Variants in RNF38 observed in about 807,000 individuals in gnomAD.
The protein encoded by RNF38 is E3 ubiquitin-protein ligase RNF38.
Under a neutral mutation model 67.2 loss-of-function variants are expected in RNF38, and 15 were observed. The ratio of observed to expected loss-of-function variants is 0.22; its 90% CI spans 0.15 to 0.34. RNF38 has a LOEUF of 0.34. Ranked by LOEUF, RNF38 falls within the 10% of genes least tolerant of loss-of-function variation. The pLI is 1.00. For missense variants in RNF38, 524 were observed against 639.9 expected (o/e 0.82, Z 1.95); for synonymous variants, 220 against 218.8 (o/e 1.01, Z -0.05).
intron 1 of RNF38, among the ~76,000 whole-genome samples, chr9:36,435,233 T>C (rs1839035786): frequency 1.3e-5 from 2 of 152,176 alleles, no homozygotes; most frequent in Admixed American, 1.3e-4. Context: ...TATTTTTAAA[T>C]TTTTGAACCA....
intron 3 of RNF38, among the ~76,000 whole-genome samples, chr9:36,370,313 C>T (rs539064848): frequency 3.9e-4 from 60 of 152,140 alleles, no homozygotes; most frequent in African/African-American, 1.4e-3. Context: ...CTGTAGATAC[C>T]TTGTCAGTGT....
chr9:36,354,580 T>A (rs893927863), intron 6 of RNF38, among the ~76,000 whole-genome samples: 1 of 152,250 alleles, frequency 6.6e-6, no homozygotes, highest in African/African-American at 2.4e-5. Context: ...AAGGCTCATC[T>A]GTTTCGCAGA....
intron 2 of RNF38, among the ~76,000 whole-genome samples, chr9:36,414,891 T>C (rs969730466): frequency 5.9e-5 from 9 of 152,208 alleles, no homozygotes; most frequent in Non-Finnish European, 8.8e-5. Context: ...CTCCAATCCC[T>C]TCTAGCTTGC....
chr9:36,370,474 C>A (rs1172446325), intron 3 of RNF38, among the ~76,000 whole-genome samples: 3 of 152,072 alleles, frequency 2.0e-5, no homozygotes, highest in Admixed American at 6.6e-5. Flanking sequence ...CAAATAGAAA[C>A]TGGGTAAACA....
At chr9:36,487,642 G>A, upstream of RNF38, 5 of 937,324 alleles carry the variant, frequency 5.3e-6, no homozygotes, top group African/African-American at 1.8e-5. Flanking sequence ...GGCAGCAGCG[G>A]TGGCGGCGAC....
At chr9:36,383,763 A>T (rs1014109748) in intron 2 of RNF38, among the ~76,000 whole-genome samples, 4 of 152,126 alleles carry the variant, frequency 2.6e-5, no homozygotes, top group Admixed American at 6.5e-5. Flanking sequence ...AAGTTACCAT[A>T]AACATGCAGA....
chr9:36,439,195 C>T (rs1839138476), intron 1 of RNF38, among the ~76,000 whole-genome samples: 1 of 152,152 alleles, frequency 6.6e-6, no homozygotes, highest in African/African-American at 2.4e-5. Flanking sequence ...TTTTAAAATA[C>T]AAAAATTATA....
intron 2 of RNF38, among the ~76,000 whole-genome samples, chr9:36,421,634 G>A (rs1384569654): frequency 6.6e-6 from 1 of 152,064 alleles, no homozygotes; most frequent in Non-Finnish European, 1.5e-5. Context: ...TTGCACTCCA[G>A]CCTGGGCAGT....
chr9:36,407,664 CTCTTTGAAGCCACACTCTTGCTTGT>C, intron 2 of RNF38, among the ~76,000 whole-genome samples: 1 of 152,180 alleles, frequency 6.6e-6, no homozygotes, highest in Non-Finnish European at 1.5e-5. Flanking sequence ...GTAACCTATA[CTCTTTGAAGCCACACTCTTGCTTGT>C]TCTGTTCCGG....
In RNF38 at chr9:36,344,931, C is replaced by A; in HGVS notation, c.1286G>T (p.Arg429Leu). Residue 429 changes from arginine to leucine, a missense_variant, in exon 10 of 12, where the codon CGA becomes CTA. Around this residue, in one of 2 missense-constraint regions of RNF38, gnomAD observed 63 missense variants for 122.5 expected, o/e 0.51. Coordinates refer to ENST00000259605, the MANE Select transcript of RNF38 (RefSeq NM_022781.5). ...NYEALLNLAE[R>L]LGEAKPRGLT... ...TCCACGAGGCTTTGCCTCTCCCAGTCGCTCTGCCAGGTTTAACAGGGCCTG... is the reference window on the plus strand; with the variant it reads ...TCCACGAGGCTTTGCCTCTCCCAGTAGCTCTGCCAGGTTTAACAGGGCCTG... The A allele has an allele frequency of 6.2e-7, 1 of 1,613,524 alleles. No homozygotes were observed. Among genetic ancestry groups the A allele is most frequent in the South Asian group, 1.1e-5 (1 of 90,962 alleles).
chr9:36,370,276 A>T (rs910342920), intron 3 of RNF38, among the ~76,000 whole-genome samples: 8 of 152,144 alleles, frequency 5.3e-5, no homozygotes, highest in African/African-American at 1.9e-4. Context: ...CTCCCTTTTT[A>T]AATATTATAA....
At position 36,353,286 on chromosome 9, in the gene RNF38, G is replaced by A. The variant is rs757004885; in HGVS notation, c.955C>T (p.Leu319Phe). 6.2e-7 allele frequency: 1 copy of A among 1,613,070 alleles called. No individual in the cohort carries two copies. Among genetic ancestry groups the A allele is most frequent in the Non-Finnish European group, 8.5e-7 (1 of 1,179,592 alleles). ...GGGTAAGTAAAACCTCCTACTGGAA[G>A]ATGTTCTCCTAAGAGTTCCACTTCA... Reference protein sequence around the residue: ...ENEVELLGEHLPVGGFTYPPS... With the variant: ...ENEVELLGEHFPVGGFTYPPS... Residue 319 changes from leucine to phenylalanine, a missense_variant, in exon 7 of 12, where the codon CTT becomes TTT. Around this residue, in one of 2 missense-constraint regions of RNF38, gnomAD observed 461 missense variants for 517.4 expected, o/e 0.89. Transcript: ENST00000259605.
intron 10 of RNF38, among the ~76,000 whole-genome samples, chr9:36,343,771 T>C (rs1446044493): frequency 3.3e-5 from 5 of 152,134 alleles, no homozygotes; most frequent in Non-Finnish European, 5.9e-5. Flanking sequence ...GAAAAAGTTA[T>C]GCTAAGTGAA....
chr9:36,448,515 T>G (rs1303527820), intron 1 of RNF38, among the ~76,000 whole-genome samples: 1 of 152,162 alleles, frequency 6.6e-6, no homozygotes, highest in Non-Finnish European at 1.5e-5. Flanking sequence ...GTACAAATAG[T>G]CCAGCCCTAT....
At chr9:36,461,934 C>G (rs1304800124) in intron 1 of RNF38, among the ~76,000 whole-genome samples, 2 of 152,124 alleles carry the variant, frequency 1.3e-5, no homozygotes, top group Admixed American at 1.3e-4. Context: ...ATGCTATCAT[C>G]CAGAAAACAC....
intron 4 of RNF38, among the ~76,000 whole-genome samples, chr9:36,365,662 G>T (rs1416000027): frequency 1.4e-4 from 15 of 103,604 alleles, no homozygotes; most frequent in South Asian, 6.8e-4. Context: ...AAGACTGATA[G>T]TTTTTTTTTT....
chr9:36,479,686 G>A (rs535703820), intron 1 of RNF38, among the ~76,000 whole-genome samples: 17 of 152,200 alleles, frequency 1.1e-4, no homozygotes, highest in Admixed American at 1.0e-3. Flanking sequence ...CTGGCACTCA[G>A]TAGATGCTCA....
At position 36,400,200 on chromosome 9, in the gene RNF38, T is replaced by A; in HGVS notation, c.-92A>T. 1 of 1,538,830 alleles carries A rather than the reference T, an allele frequency of 6.5e-7. No homozygotes were observed. Among genetic ancestry groups the A allele is most frequent in the African/African-American group, 1.4e-5 (1 of 71,932 alleles). On this transcript the variant is annotated 5_prime_UTR_variant, in exon 1 of 12. Transcript: ENST00000259605. The stretch of plus-strand genomic sequence containing the variant: ...ACCAACCTCTCTCACGCTTCAACCC[T>A]GAAAGGAAGAACTTGCATCCCCTGA...
At chr9:36,467,750 T>C (rs1156773682) in intron 1 of RNF38, among the ~76,000 whole-genome samples, 1 of 152,154 alleles carries the variant, frequency 6.6e-6, no homozygotes. Flanking sequence ...ACCAAAATGG[T>C]ACCTGTTACC....
Sources: gnomAD v4.1 joint callset for allele counts (sites outside exome capture counted in the v4.1 genomes callset) on GRCh38, gnomAD v4.1.1 for gene constraint, gnomAD v4.1.1 regional missense constraint, MANE v1.5 for transcripts, NCBI Gene and HGNC (gene_info 2026-07-23, HGNC 2026-07-21) for gene names.